Variants in CRLS1 observed in about 807,000 individuals in gnomAD.
CRLS1 encodes cardiolipin synthase (CMP-forming).
In CRLS1, 24 loss-of-function variants were observed where a neutral mutation model predicts 37.0. That is an observed-to-expected ratio of 0.65 (90% CI 0.47 to 0.91). CRLS1 has a LOEUF of 0.91. Among genes scored for constraint, CRLS1 ranks in the 40% least tolerant of loss-of-function variants. The pLI, the probability that CRLS1 is intolerant of heterozygous loss-of-function variation, is 0.00. For synonymous variants in CRLS1, 135 were observed against 159.7 expected (o/e 0.85, Z 1.17); for missense variants, 373 against 395.8 (o/e 0.94, Z 0.49).
At chr20:6,021,839 G>A (rs996998402) in intron 3 of CRLS1, among the ~76,000 whole-genome samples, 3 of 151,742 alleles carry the variant, frequency 2.0e-5, no homozygotes, top group Non-Finnish European at 4.4e-5. Flanking sequence ...AGTTTTACAC[G>A]GTTTCCATCC....
chr20:6,030,112 T>G (rs1337713456), intron 3 of CRLS1, among the ~76,000 whole-genome samples: 1 of 152,062 alleles, frequency 6.6e-6, no homozygotes, highest in Non-Finnish European at 1.5e-5. Flanking sequence ...ACCGAGTGTT[T>G]GAACTCAGGC....
At chr20:6,032,125 T>C (rs758200527) in intron 5 of CRLS1, 45 bp downstream of exon 5, 2 of 1,432,446 alleles carry the variant, frequency 1.4e-6, no homozygotes, top group Non-Finnish European at 2.0e-6. Flanking sequence ...TTGTAAATTT[T>C]TATTATACAG....
chr20:6,026,849 T>C (rs1204176624), intron 3 of CRLS1, among the ~76,000 whole-genome samples: 2 of 152,176 alleles, frequency 1.3e-5, no homozygotes, highest in African/African-American at 2.4e-5. Flanking sequence ...AGACCTTCGC[T>C]TGATCCCTAT....
chr20:6,029,897 A>G (rs889454320), intron 3 of CRLS1, among the ~76,000 whole-genome samples: 1 of 152,226 alleles, frequency 6.6e-6, no homozygotes, highest in Non-Finnish European at 1.5e-5. Context: ...CATCATAGCT[A>G]TAACAGCAGA....
Position 6,039,272 on chromosome 20 carries a change from TGTGTGTGTGTGTGTGTG to T in CRLS1, c.*2115_*2131del. 3.2e-5 allele frequency: 1 copy of T among 30,894 alleles called. No homozygotes were observed. Among genetic ancestry groups the T allele is most frequent in the Non-Finnish European group, 6.1e-5 (1 of 16,286 alleles). The allele number at this position is 30,894 out of a possible 1,614,324, so 1.9% of individuals were successfully genotyped here. ...CTTTGCAGTTTTGTTTGTGTGTGTG[TGTGTGTGTGTGTGTGTG>T]TGTGTGTGTGTGTGTATTTTGTTTT... On this transcript the variant is annotated 3_prime_UTR_variant, in exon 7 of 7. Transcript: ENST00000378863.
Position 6,039,049 on chromosome 20 carries a change from T to G in CRLS1, c.*1891T>G, listed in dbSNP as rs770363507. The G allele has an allele frequency of 6.6e-6, 1 of 152,240 alleles. No homozygotes were observed. The highest frequency in any genetic ancestry group is 2.4e-5 in the African/African-American group (1 of 41,458). 9.4% of individuals were successfully genotyped at this position (152,240 alleles called of 1,614,324 possible). On this transcript the variant is annotated 3_prime_UTR_variant, in exon 7 of 7. Transcript: ENST00000378863. ...CAAAACATGATGAAAATTCATTTCATTGTCTTCACTGAATAGACTTAACCT... is the reference window on the plus strand; with the variant it reads ...CAAAACATGATGAAAATTCATTTCAGTGTCTTCACTGAATAGACTTAACCT...
intron 2 of CRLS1, among the ~76,000 whole-genome samples, chr20:6,011,572 C>CATTTTTTTTTTTTTTTTTTTTTTTTTTTT (rs1161298827): frequency 3.6e-5 from 1 of 27,830 alleles, no homozygotes; most frequent in Non-Finnish European, 7.2e-5. Context: ...TTTGTCCCTG[C>CATTTTTTTTTTTTTTTTTTTTTTTTTTTT]TTTTTTTTTT....
At chr20:6,029,793 C>G (rs1361512533) in intron 3 of CRLS1, among the ~76,000 whole-genome samples, 1 of 152,230 alleles carries the variant, frequency 6.6e-6, no homozygotes, top group African/African-American at 2.4e-5. Context: ...ATAGCCACAT[C>G]TTGTTTGCTC....
intron 3 of CRLS1, among the ~76,000 whole-genome samples, chr20:6,019,377 T>C (rs1184502586): frequency 6.6e-6 from 1 of 152,184 alleles, no homozygotes; most frequent in Non-Finnish European, 1.5e-5. Flanking sequence ...TCATTAACTT[T>C]ATTTATTTAC....
chr20:6,026,658 C>T (rs1979733346), intron 3 of CRLS1, among the ~76,000 whole-genome samples: 1 of 152,128 alleles, frequency 6.6e-6, no homozygotes, highest in Non-Finnish European at 1.5e-5. Flanking sequence ...TTGAATGAGG[C>T]ATGAAAAGTT....
Position 6,006,527 on chromosome 20 carries a change from G to A in CRLS1, c.281G>A (p.Trp94Ter). 2.3e-6 allele frequency: 3 copies of A among 1,325,082 alleles called. No homozygotes were observed. The highest frequency in any genetic ancestry group is 2.9e-6 in the Non-Finnish European group (3 of 1,046,518). 82.1% of individuals were successfully genotyped at this position (1,325,082 alleles called of 1,614,324 possible). The change falls in exon 1 of 7, where the codon TGG becomes TAG. Residue 94 changes from tryptophan to a stop codon, truncating the protein, a stop_gained. Transcript: ENST00000378863. LOFTEE classifies it high-confidence loss of function. ...GCTGCCGAAGCCCCGGGCGGCCAGT[G>A]GGGCCCGGCGAGCACCCCCAGCCTG... ...GAAAEAPGGQ[W>*]GPASTPSLYE... is the part of the protein sequence containing the mutation.
At chr20:6,017,750 G>T (rs1264563165) in intron 3 of CRLS1, among the ~76,000 whole-genome samples, 1 of 152,154 alleles carries the variant, frequency 6.6e-6, no homozygotes, top group African/African-American at 2.4e-5. Context: ...CTGTTTGGAG[G>T]AATTTGCATC....
chr20:6,033,093 A>G (rs1433070399), intron 5 of CRLS1, among the ~76,000 whole-genome samples: 1 of 149,442 alleles, frequency 6.7e-6, no homozygotes, highest in Non-Finnish European at 1.5e-5. Flanking sequence ...TTTATATTTT[A>G]TATTTTATTT....
intron 2 of CRLS1, among the ~76,000 whole-genome samples, chr20:6,013,519 A>G (rs1978499731): frequency 6.6e-6 from 1 of 152,138 alleles, no homozygotes; most frequent in African/African-American, 2.4e-5. Context: ...GGATGCAGGT[A>G]GGTGGGGGAT....
chr20:6,030,618 T>G (rs981413141), intron 3 of CRLS1, among the ~76,000 whole-genome samples: 1 of 151,114 alleles, frequency 6.6e-6, no homozygotes, highest in African/African-American at 2.4e-5. Flanking sequence ...CTTGGGAGGG[T>G]GAGGTGGGAG....
chr20:6,032,909 G>A (rs1359990933), intron 5 of CRLS1, among the ~76,000 whole-genome samples: 1 of 151,814 alleles, frequency 6.6e-6, no homozygotes, highest in African/African-American at 2.4e-5. Flanking sequence ...CATAGGGTTT[G>A]GGGTTTTTTT....
intron 3 of CRLS1, among the ~76,000 whole-genome samples, chr20:6,027,169 C>T (rs1051954290): frequency 1.3e-5 from 2 of 151,016 alleles, no homozygotes; most frequent in Admixed American, 6.6e-5. Context: ...CTGCAACCCC[C>T]GCCTCCCGGG....
At chr20:6,026,343 A>ATGTG (rs1568627051) in intron 3 of CRLS1, 2 of 126,854 alleles carry the variant, frequency 1.6e-5, no homozygotes, top group African/African-American at 6.1e-5. Context: ...GTGTGTGTGT[A>ATGTG]TATATATATA....
intron 2 of CRLS1, 43 bp from the exon 3 acceptor site, chr20:6,015,318 T>G (rs1978653403): frequency 7.6e-7 from 1 of 1,324,210 alleles, no homozygotes; most frequent in Admixed American, 2.2e-5. Flanking sequence ...GCTTTGTTCC[T>G]GTTATGACAT....
Sources: allele counts gnomAD v4.1 joint callset (sites outside exome capture counted in the v4.1 genomes callset), GRCh38; gene constraint gnomAD v4.1.1; transcripts MANE v1.5; gene names NCBI Gene and HGNC (gene_info 2026-07-23, HGNC 2026-07-21).